Variants in WSB2 observed in about 807,000 individuals in gnomAD.
WSB2 encodes the protein WD repeat and SOCS box containing 2.
Under a neutral mutation model 48.8 loss-of-function variants are expected in WSB2, and 12 were observed. The observed-to-expected ratio is 0.25, with a 90% CI of 0.16 to 0.40. The LOEUF is 0.40. Among genes scored for constraint, WSB2 ranks in the 10% least tolerant of loss-of-function variants. The pLI is 1.00. For missense variants in WSB2, 317 were observed against 506.2 expected (o/e 0.63, Z 3.59); for synonymous variants, 191 against 203.1 (o/e 0.94, Z 0.51).
chr12:118,046,214 A>T (rs531906916), intron 2 of WSB2, among the ~76,000 whole-genome samples: 1 of 152,262 alleles, frequency 6.6e-6, no homozygotes, highest in East Asian at 1.9e-4. Flanking sequence ...TAATCCCAGC[A>T]CTTTGGGAGG....
chr12:118,061,030 A>T lies in WSB2; in HGVS notation c.13+6T>A. 3 of 975,816 alleles carry T rather than the reference A, an allele frequency of 3.1e-6. No homozygotes were observed. Among genetic ancestry groups the T allele is most frequent in the Non-Finnish European group, 2.4e-6 (2 of 827,110 alleles). The allele number at this position is 975,816 out of a possible 1,614,324, so 60.4% of individuals were successfully genotyped here. ...GGCGGGAACGGGCGCGCCCGGCCCC[A>T]CTCACCTCCGGCCTCCATGGAGGAC... is the stretch of plus-strand genomic sequence containing the variant. On this transcript the variant is annotated splice_donor_region_variant and intron_variant, in intron 1 of 8. Transcript: ENST00000315436.
At chr12:118,042,613 C>A in intron 4 of WSB2, 1 of 537,244 alleles carries the variant, frequency 1.9e-6, no homozygotes, top group Non-Finnish European at 3.2e-6. Context: ...ATTAAAATAG[C>A]CTAAATAGAC....
intron 6 of WSB2, 65 bp from the exon 7 acceptor site, chr12:118,035,389 C>CCCTGG (rs1350566625): frequency 4.0e-6 from 6 of 1,483,142 alleles, no homozygotes; most frequent in Non-Finnish European, 5.6e-6. Context: ...TCCATCATCA[C>CCCTGG]CCTAGGCAGG....
intron 4 of WSB2, among the ~76,000 whole-genome samples, chr12:118,039,102 C>G (rs1267110019): frequency 2.0e-5 from 3 of 152,128 alleles, no homozygotes; most frequent in Admixed American, 2.0e-4. Context: ...GTAATGGTTT[C>G]TCTGTAATCA....
At chr12:118,043,459 T>C (rs1243027681) in intron 2 of WSB2, 82 bp from the exon 3 acceptor site, 1 of 1,502,474 alleles carries the variant, frequency 6.7e-7, no homozygotes, top group East Asian at 2.3e-5. Flanking sequence ...GTAAGACTTT[T>C]GGGGAGTGGA....
At chr12:118,049,376 T>C (rs955594019) in intron 2 of WSB2, among the ~76,000 whole-genome samples, 1 of 152,122 alleles carries the variant, frequency 6.6e-6, no homozygotes, top group Non-Finnish European at 1.5e-5. Flanking sequence ...TGAAGATCAG[T>C]GTATATAAAT....
intron 1 of WSB2, among the ~76,000 whole-genome samples, chr12:118,057,106 T>A (rs557304967): frequency 1.3e-5 from 2 of 152,252 alleles, no homozygotes; most frequent in African/African-American, 4.8e-5. Context: ...TCTTGGAGTC[T>A]GGGCCCAAAC....
At chr12:118,057,309 C>G (rs552698516) in intron 1 of WSB2, among the ~76,000 whole-genome samples, 127 of 152,036 alleles carry the variant, frequency 8.4e-4, no homozygotes, top group Non-Finnish European at 1.4e-3. Flanking sequence ...GAGTCTCACT[C>G]TGCTGCCCAG....
rs1593464404 is a variant in WSB2, at chr12:118,039,730, A to T, written c.560-1342T>A. Among the ~76,000 whole-genome samples, 2 of 152,080 alleles carry T rather than the reference A, an allele frequency of 1.3e-5. 1 individual carries two copies. The highest frequency in any genetic ancestry group is 1.3e-4 in the Admixed American group (2 of 15,276). ...GCGGATGTATGGATCCACAAAAATT[A>T]ATATTTCTTTTTTATTTTTTTTTAT... On this transcript the variant is annotated intron_variant, in intron 4 of 8. Transcript: ENST00000315436.
chr12:118,045,637 G>A (rs1043793603), intron 2 of WSB2, among the ~76,000 whole-genome samples: 4 of 151,592 alleles, frequency 2.6e-5, no homozygotes, highest in Non-Finnish European at 5.9e-5. Context: ...GCTTGAGCCA[G>A]GAGGCGGAGG....
chr12:118,056,614 A>C (rs1012446377), intron 1 of WSB2, among the ~76,000 whole-genome samples: 4 of 152,142 alleles, frequency 2.6e-5, no homozygotes, highest in Admixed American at 2.0e-4. Flanking sequence ...AAGTAACATA[A>C]AGCTGGCCAG....
At chr12:118,047,186 T>C (rs1254451253) in intron 2 of WSB2, among the ~76,000 whole-genome samples, 1 of 152,220 alleles carries the variant, frequency 6.6e-6, no homozygotes, top group East Asian at 1.9e-4. Context: ...TAGAAAGAGA[T>C]ACTAAAATCT....
intron 6 of WSB2, 61 bp downstream of exon 6, chr12:118,036,277 C>A: frequency 6.4e-7 from 1 of 1,559,600 alleles, no homozygotes; most frequent in Non-Finnish European, 8.7e-7. Context: ...CATGTCTAAT[C>A]CCAGGCAGGT....
At chr12:118,043,842 C>T (rs1191324567) in intron 2 of WSB2, among the ~76,000 whole-genome samples, 1 of 151,580 alleles carries the variant, frequency 6.6e-6, no homozygotes, top group Non-Finnish European at 1.5e-5. Context: ...GTAGGCCAGG[C>T]GTGGTGGCTC....
rs1012472398 is a variant in WSB2 at position 118,060,955 on chromosome 12, C to G, written c.13+81G>C. Reference sequence around the variant, plus strand: ...CCCCGCCCCACCCCGCCCAGCCCGCCCCGGGGTCGCCTCCCCCCTCCCCGG... The same window carrying G: ...CCCCGCCCCACCCCGCCCAGCCCGCGCCGGGGTCGCCTCCCCCCTCCCCGG... On this transcript the variant is annotated intron_variant, in intron 1 of 8. Transcript: ENST00000315436. The surrounding 1 kb of genome is among the most constrained non-coding windows in gnomAD (Gnocchi z 4.1). The G allele has an allele frequency of 2.6e-4, 181 of 705,248 alleles. 1 individual carries two copies. In the Middle Eastern group the frequency reaches 3.5e-3, roughly 14 times the overall value. 43.7% of individuals were successfully genotyped at this position (705,248 alleles called of 1,614,324 possible).
intron 2 of WSB2, 42 bp downstream of exon 2, chr12:118,052,268 T>C (rs978944826): frequency 6.2e-7 from 1 of 1,600,576 alleles, no homozygotes; most frequent in East Asian, 2.2e-5. Context: ...CAAGGAGTGT[T>C]TGGAAATGCG....
intron 4 of WSB2, 73 bp downstream of exon 4, chr12:118,042,768 A>G (rs1030046527): frequency 4.5e-6 from 7 of 1,555,980 alleles, no homozygotes; most frequent in African/African-American, 2.7e-5. Context: ...TTAGATAAAA[A>G]TGACACTGGT....
chr12:118,054,441 CG>C (rs918851994), intron 1 of WSB2, among the ~76,000 whole-genome samples: 23 of 151,480 alleles, frequency 1.5e-4, no homozygotes, highest in Non-Finnish European at 2.2e-4. Context: ...GAGGCCAAGG[CG>C]GGCAGATCAC....
At chr12:118,037,670 A>T (rs1312978155) in intron 5 of WSB2, among the ~76,000 whole-genome samples, 1 of 149,376 alleles carries the variant, frequency 6.7e-6, no homozygotes. Flanking sequence ...CTCTGTCTAA[A>T]AAAAAAAAAA....
Sources: gnomAD v4.1 joint callset for allele counts (sites outside exome capture counted in the v4.1 genomes callset) on GRCh38, gnomAD v4.1.1 for gene constraint, Gnocchi (gnomAD v3.1) non-coding constraint, MANE v1.5 for transcripts, NCBI Gene and HGNC (gene_info 2026-07-23, HGNC 2026-07-21) for gene names.